Variants in GPR12 observed in about 807,000 individuals in gnomAD.
GPR12 encodes G protein-coupled receptor 12.
Under a neutral mutation model 18.9 loss-of-function variants are expected in GPR12, and 7 were observed. That is an observed-to-expected ratio of 0.37 (90% CI 0.21 to 0.70). GPR12 has a LOEUF of 0.70. GPR12 is among the 30% of genes least tolerant of loss of function. GPR12 has a pLI of 0.54. For missense variants in GPR12, 327 were observed against 427.7 expected (o/e 0.76, Z 2.08); for synonymous variants, 201 against 188.6 (o/e 1.07, Z -0.54).
chr13:26,758,856 G>T lies in GPR12; in HGVS notation c.972C>A (p.Leu324=). ...CACTGGGCGAGCGCGCTCTCTGGGC[G>T]AGACTGGACGGGATGCAGCCGCAGC... is the stretch of plus-strand genomic sequence containing the variant. ...LICCGCIPSS[L]AQRARSPSDV is the part of the protein sequence containing the mutation. Residue 324 remains leucine (L), a synonymous_variant, in exon 2 of 2, where the codon CTC becomes CTA. Coordinates refer to ENST00000405846, the MANE Select transcript of GPR12 (RefSeq NM_005288.4). The T allele has an allele frequency of 6.2e-7, 1 of 1,613,230 alleles. No individual in the cohort carries two copies. Among genetic ancestry groups the T allele is most frequent in the East Asian group, 2.2e-5 (1 of 44,848 alleles).
chr13:26,760,356 G>A, intron 1 of GPR12: 1 of 164,488 alleles, frequency 6.1e-6, no homozygotes. Context: ...ACCCCCGACC[G>A]GAACAAAGAG....
In GPR12 at chr13:26,759,387, C is replaced by A; in HGVS notation, c.441G>T (p.Thr147=). The part of the protein sequence containing the change: ...DRYLSLYYAL[T]YHSERTVTFT... ...ACGTGACCGTCCTCTCCGAATGGTACGTCAGAGCGTAGTACAGTGAGAGGT... is the reference window on the plus strand; with the variant it reads ...ACGTGACCGTCCTCTCCGAATGGTAAGTCAGAGCGTAGTACAGTGAGAGGT... The change falls in exon 2 of 2, where the codon ACG becomes ACT. Residue 147 remains threonine (T), a synonymous_variant. Coordinates refer to ENST00000405846, the MANE Select transcript of GPR12 (RefSeq NM_005288.4). The A allele has an allele frequency of 1.2e-6, 2 of 1,613,928 alleles. No individual in the cohort carries two copies. Among genetic ancestry groups the A allele is most frequent in the South Asian group, 2.2e-5 (2 of 91,064 alleles).
rs758743106 is a variant in GPR12, at chr13:26,758,088, C to A, written c.*735G>T. ...TGGAAAACTATATTGAAAAATGACC[C>A]GTTGGAATCTAGATTGACATGGCAA... is the stretch of plus-strand genomic sequence containing the variant. On this transcript the variant is annotated 3_prime_UTR_variant, in exon 2 of 2. Transcript: ENST00000405846. The A allele has an allele frequency of 3.3e-5, 5 of 152,086 alleles. No individual in the cohort carries two copies. The highest frequency in any genetic ancestry group is 4.8e-5 in the African/African-American group (2 of 41,412). 9.4% of individuals were successfully genotyped at this position (152,086 alleles called of 1,614,324 possible). A position where few individuals can be genotyped will look rare whatever the true frequency, so the allele number is the denominator to read the frequency against.
chr13:26,756,075 A>C lies in GPR12; in HGVS notation c.*2748T>G, dbSNP rs908566096. On this transcript the variant is annotated 3_prime_UTR_variant, in exon 2 of 2. Coordinates refer to ENST00000405846, the MANE Select transcript of GPR12 (RefSeq NM_005288.4). Reference sequence around the variant, plus strand: ...ATATCCAACATTTTTCACAATTTAAACGGTAAAGGCATGTTGTTAGTTGAA... The same window carrying C: ...ATATCCAACATTTTTCACAATTTAACCGGTAAAGGCATGTTGTTAGTTGAA... 1 of 152,230 alleles carries C rather than the reference A, an allele frequency of 6.6e-6. No homozygotes were observed. Among genetic ancestry groups the C allele is most frequent in the Non-Finnish European group, 1.5e-5 (1 of 68,040 alleles). The allele number at this position is 152,230 out of a possible 1,614,324, so 9.4% of individuals were successfully genotyped here.
chr13:26,759,311 G>T lies in GPR12; in HGVS notation c.517C>A (p.Leu173Met), dbSNP rs769667091. 4 of 1,613,236 alleles carry T rather than the reference G, an allele frequency of 2.5e-6. No individual in the cohort carries two copies. The highest frequency in any genetic ancestry group is 3.4e-6 in the Non-Finnish European group (4 of 1,180,022). Reference protein sequence around the residue: ...MLWGTSICLGLLPVMGWNCLR... With the variant: ...MLWGTSICLGMLPVMGWNCLR... ...CAGTTCCAGCCCATGACGGGCAGCAGCCCCAGGCAGATGGAGGTCCCCCAG... is the reference window on the plus strand; with the variant it reads ...CAGTTCCAGCCCATGACGGGCAGCATCCCCAGGCAGATGGAGGTCCCCCAG... The change falls in exon 2 of 2, where the codon CTG becomes ATG. Residue 173 changes from leucine (L) to methionine (M), a missense_variant. By Grantham distance (15) the Leu-to-Met change is conservative. Coordinates refer to ENST00000405846, the MANE Select transcript of GPR12 (RefSeq NM_005288.4).
At chr13:26,760,009 A>G in intron 1 of GPR12, 167 bp from the exon 2 acceptor site, 1 of 1,192,402 alleles carries the variant, frequency 8.4e-7, no homozygotes, top group Non-Finnish European at 1.1e-6. Context: ...AACAAAAGCC[A>G]AAGTCTCTGT....
In GPR12 at chr13:26,757,750, C is replaced by T. The variant is rs1593160390; in HGVS notation, c.*1073G>A. On this transcript the variant is annotated 3_prime_UTR_variant, in exon 2 of 2. Coordinates refer to ENST00000405846, the MANE Select transcript of GPR12 (RefSeq NM_005288.4). The stretch of plus-strand genomic sequence containing the variant: ...GACTGCCTGTTTCAAATGCATTATG[C>T]ACCACAGACAGTATGAACCAGAAAA... 1 of 152,202 alleles carries T rather than the reference C, an allele frequency of 6.6e-6. No homozygotes were observed. The highest frequency in any genetic ancestry group is 6.5e-5 in the Admixed American group (1 of 15,274). The allele number at this position is 152,202 out of a possible 1,614,324, so 9.4% of individuals were successfully genotyped here.
Position 26,759,555 on chromosome 13 carries a change from C to A in GPR12, c.273G>T (p.Leu91=), listed in dbSNP as rs373684335. 17 of 1,614,034 alleles carry A rather than the reference C, an allele frequency of 1.1e-5. No homozygotes were observed. The East Asian group carries it at 1.1e-4, about 11-fold the overall frequency. The change falls in exon 2 of 2, where the codon CTG becomes CTT. Residue 91 remains leucine, a synonymous_variant. Transcript: ENST00000405846. Reference sequence around the variant, plus strand: ...TGGTGATGAGTCCAATGCCGGCCAGCAGGTCTGCAAGAGCCAGGCTGCCTA... The same window carrying A: ...TGGTGATGAGTCCAATGCCGGCCAGAAGGTCTGCAAGAGCCAGGCTGCCTA... ...LLIGSLALAD[L]LAGIGLITNF...
chr13:26,759,938 C>T, intron 1 of GPR12, 96 bp from the exon 2 acceptor site: 1 of 1,447,442 alleles, frequency 6.9e-7, no homozygotes, highest in East Asian at 2.5e-5. Flanking sequence ...AAGCCAGCCC[C>T]TGCTCAGATA....
chr13:26,759,456 G>A lies in GPR12; in HGVS notation c.372C>T (p.Phe124=). 1.2e-6 allele frequency: 2 copies of A among 1,614,206 alleles called. No individual in the cohort carries two copies. Among genetic ancestry groups the A allele is most frequent in the East Asian group, 2.2e-5 (1 of 44,882 alleles). ...CCAGCAAGCTGCAGACAGAGGCAGA[G>A]AAAGAGGCGACAATGAGGCCGATCG... is the stretch of plus-strand genomic sequence containing the variant. ...LVTIGLIVAS[F]SASVCSLLAI... The change falls in exon 2 of 2, where the codon TTC becomes TTT. Residue 124 remains phenylalanine, a synonymous_variant. Transcript: ENST00000405846.
rs1191753267 is a variant in GPR12 at position 26,756,024 on chromosome 13, A to G, written c.*2799T>C. On this transcript the variant is annotated 3_prime_UTR_variant, in exon 2 of 2. Coordinates refer to ENST00000405846, the MANE Select transcript of GPR12 (RefSeq NM_005288.4). ...AAAAATAATTAGCTCCACAGGAAAA[A>G]AGAAACCTTGTAGAAAACCACATAA... The G allele has an allele frequency of 6.6e-6, 1 of 152,214 alleles. No individual in the cohort carries two copies. The highest frequency in any genetic ancestry group is 1.9e-4 in the East Asian group (1 of 5,196). 9.4% of individuals were successfully genotyped at this position (152,214 alleles called of 1,614,324 possible).
Position 26,759,816 on chromosome 13 carries a change from G to T in GPR12, c.12C>A (p.Asp4Glu), listed in dbSNP as rs766506720. MNE[D>E]LKVNLSGLPR... ...GCAGCCCGCTTAAATTGACCTTCAG[G>T]TCTTCATTCATTTTAACCCCTGTCC... The change falls in exon 2 of 2, where the codon GAC becomes GAA. Residue 4 changes from aspartate to glutamate, a missense_variant. Asp to Glu is a conservative substitution (Grantham distance 45, BLOSUM62 2). Coordinates refer to ENST00000405846, the MANE Select transcript of GPR12 (RefSeq NM_005288.4). 6.3e-6 allele frequency: 10 copies of T among 1,581,850 alleles called. No homozygotes were observed. The Admixed American group carries it at 1.8e-4, about 28-fold the overall frequency.
At position 26,759,030 on chromosome 13, in the gene GPR12, A is replaced by G; in HGVS notation, c.798T>C (p.Pro266=). 3 of 1,613,882 alleles carry G rather than the reference A, an allele frequency of 1.9e-6. No individual in the cohort carries two copies. Among genetic ancestry groups the G allele is most frequent in the Non-Finnish European group, 2.5e-6 (3 of 1,179,992 alleles). ...ILGTFAACWM[P]FTLYSLIADY... ...CCGCTATCAAGGAATAGAGGGTGAA[A>G]GGCATCCAGCAAGCAGCAAACGTCC... The change falls in exon 2 of 2, where the codon CCT becomes CCC. Residue 266 remains proline (P), a synonymous_variant. Transcript: ENST00000405846.
In GPR12 at chr13:26,759,733, C is replaced by T. The variant is rs1884446877; in HGVS notation, c.95G>A (p.Arg32Gln). ...AGGCTCTGGCTCTACGGCAGGAACC[C>T]GGGAGGAGACAGCAGCCGAGATGTT... The part of the protein sequence containing the change: ...AENISAAVSS[R>Q]VPAVEPEPEL... The change falls in exon 2 of 2, where the codon CGG (arginine) becomes CAG (glutamine). Residue 32 changes from arginine to glutamine, a missense_variant. Arg to Gln is a conservative substitution (Grantham distance 43). Coordinates refer to ENST00000405846, the MANE Select transcript of GPR12 (RefSeq NM_005288.4). 1.2e-6 allele frequency: 2 copies of T among 1,613,094 alleles called. No homozygotes were observed. Among genetic ancestry groups the T allele is most frequent in the African/African-American group, 2.7e-5 (2 of 74,854 alleles).
In GPR12 at chr13:26,758,943, G is replaced by A. The variant is rs768679930; in HGVS notation, c.885C>T (p.Ile295=). ...ATLLPATYNS[I]INPVIYAFRN... ...TGAAAGCATATATGACAGGGTTGAT[G>A]ATGGAATTGTAGGTGGCGGGCAGGA... The change falls in exon 2 of 2, where the codon ATC becomes ATT. Residue 295 remains isoleucine, a synonymous_variant. Transcript: ENST00000405846. 1 of 1,614,148 alleles carries A rather than the reference G, an allele frequency of 6.2e-7. No individual in the cohort carries two copies. Among genetic ancestry groups the A allele is most frequent in the South Asian group, 1.1e-5 (1 of 91,076 alleles).
At position 26,759,366 on chromosome 13, in the gene GPR12, G is replaced by C; in HGVS notation, c.462C>G (p.Val154=). Residue 154 remains valine, a synonymous_variant, in exon 2 of 2, where the codon GTC becomes GTG. Coordinates refer to ENST00000405846, the MANE Select transcript of GPR12 (RefSeq NM_005288.4). ...TGACGAGCATGACATAGGTAAACGTGACCGTCCTCTCCGAATGGTACGTCA... is the reference window on the plus strand; with the variant it reads ...TGACGAGCATGACATAGGTAAACGTCACCGTCCTCTCCGAATGGTACGTCA... ...YALTYHSERT[V]TFTYVMLVML... is the part of the protein sequence containing the mutation. The C allele has an allele frequency of 6.2e-7, 1 of 1,613,848 alleles. No individual in the cohort carries two copies. The highest frequency in any genetic ancestry group is 8.5e-7 in the Non-Finnish European group (1 of 1,180,018).
In GPR12 at chr13:26,758,575, C is replaced by T. The variant is rs1420780798; in HGVS notation, c.*248G>A. On this transcript the variant is annotated 3_prime_UTR_variant, in exon 2 of 2. Transcript: ENST00000405846. ...AACAAAGTATAAAAGGAAACCCTTG[C>T]CCCCAAGCAAAACAAAATAATGTTG... 5.8e-6 allele frequency: 3 copies of T among 513,082 alleles called. No individual in the cohort carries two copies. The highest frequency in any genetic ancestry group is 9.9e-6 in the Non-Finnish European group (3 of 303,234). The allele number at this position is 513,082 out of a possible 1,614,324, so 31.8% of individuals were successfully genotyped here.
In GPR12 at chr13:26,759,738, G is replaced by A; in HGVS notation, c.90C>T (p.Ser30=). Residue 30 remains serine (S), a synonymous_variant, in exon 2 of 2, where the codon TCC becomes TCT. Coordinates refer to ENST00000405846, the MANE Select transcript of GPR12 (RefSeq NM_005288.4). ...CTGGCTCTACGGCAGGAACCCGGGA[G>A]GAGACAGCAGCCGAGATGTTCTCCG... is the stretch of plus-strand genomic sequence containing the variant. ...AAAENISAAV[S]SRVPAVEPEP... 6.2e-7 allele frequency: 1 copy of A among 1,613,310 alleles called. No homozygotes were observed.
chr13:26,759,026 T>C lies in GPR12; in HGVS notation c.802A>G (p.Thr268Ala). The part of the protein sequence containing the change: ...GTFAACWMPF[T>A]LYSLIADYTY... ...TAATCCGCTATCAAGGAATAGAGGG[T>C]GAAAGGCATCCAGCAAGCAGCAAAC... Residue 268 changes from threonine (T) to alanine (A), a missense_variant, in exon 2 of 2, where the codon ACC becomes GCC. Coordinates refer to ENST00000405846, the MANE Select transcript of GPR12 (RefSeq NM_005288.4). The C allele has an allele frequency of 6.2e-7, 1 of 1,613,224 alleles. No individual in the cohort carries two copies. The highest frequency in any genetic ancestry group is 8.5e-7 in the Non-Finnish European group (1 of 1,179,842).
Sources: allele counts gnomAD v4.1 joint callset, GRCh38; gene constraint gnomAD v4.1.1; transcripts MANE v1.5; gene names NCBI Gene and HGNC (gene_info 2026-07-23, HGNC 2026-07-21).